The following ARID5B variants were observed in gnomAD, a reference collection of about 807,000 sequenced individuals.
The protein encoded by ARID5B is AT-rich interaction domain 5B.
In ARID5B, 13 loss-of-function variants were observed where a neutral mutation model predicts 97.2. The ratio of observed to expected loss-of-function variants is 0.13; its 90% CI spans 0.09 to 0.21. The LOEUF is 0.21. Ranked by LOEUF, ARID5B falls within the 10% of genes least tolerant of loss-of-function variation. ARID5B has a pLI of 1.00. For synonymous variants in ARID5B, 556 were observed against 570.3 expected, an observed-to-expected ratio of 0.97 and a Z score of 0.36; for missense variants, 1,210 against 1,465.3, an observed-to-expected ratio of 0.83 and a Z score of 2.84.
chr10:62,052,870 T>C (rs974995337), intron 5 of ARID5B, among the ~76,000 whole-genome samples: 2 of 152,240 alleles, frequency 1.3e-5, no homozygotes, highest in African/African-American at 2.4e-5. Context: ...ATGAATGTCA[T>C]GCTGCAGTCA....
At chr10:62,043,202 C>T (rs553664792) in intron 4 of ARID5B, among the ~76,000 whole-genome samples, 18 of 152,296 alleles carry the variant, frequency 1.2e-4, no homozygotes, top group Non-Finnish European at 2.1e-4. Flanking sequence ...ATTTCAATCT[C>T]TTTTCCTATT....
At chr10:61,916,442 A>T (rs1843906255) in intron 2 of ARID5B, among the ~76,000 whole-genome samples, 1 of 152,164 alleles carries the variant, frequency 6.6e-6, no homozygotes, top group Non-Finnish European at 1.5e-5. Context: ...TAAAATGCCA[A>T]CCCCTCATTT....
chr10:62,021,213 T>C (rs1220963711), intron 4 of ARID5B, among the ~76,000 whole-genome samples: 1 of 151,938 alleles, frequency 6.6e-6, no homozygotes, highest in Non-Finnish European at 1.5e-5. Flanking sequence ...TGCTGATACA[T>C]AGTTATCGAA....
Position 62,094,798 on chromosome 10 carries a change from A to C in ARID5B, c.*1768A>C, listed in dbSNP as rs1840440915. The C allele has an allele frequency of 8.6e-6, 2 of 231,906 alleles. No homozygotes were observed. Among genetic ancestry groups the C allele is most frequent in the Non-Finnish European group, 1.7e-5 (2 of 117,136 alleles). The allele number at this position is 231,906 out of a possible 1,614,324, so 14.4% of individuals were successfully genotyped here. A position where few individuals can be genotyped will look rare whatever the true frequency, so the allele number is the denominator to read the frequency against. ...GCCCCTCCCGCAACACTACCAGTAG[A>C]CTTTAGAACCATAGTTAACTAAGTC... On this transcript the variant is annotated 3_prime_UTR_variant, in exon 10 of 10. Coordinates refer to ENST00000279873, the MANE Select transcript of ARID5B (RefSeq NM_032199.3).
intron 3 of ARID5B, among the ~76,000 whole-genome samples, chr10:61,969,761 T>C (rs1183097487): frequency 6.6e-6 from 1 of 152,202 alleles, no homozygotes; most frequent in Non-Finnish European, 1.5e-5. Flanking sequence ...TCAGAATAAA[T>C]TGGCATTTTC....
At chr10:61,911,327 TG>T (rs1843800174) in intron 2 of ARID5B, among the ~76,000 whole-genome samples, 1 of 152,234 alleles carries the variant, frequency 6.6e-6, no homozygotes, top group Non-Finnish European at 1.5e-5. Flanking sequence ...CTTTTTGTGC[TG>T]CTTGTCCCTT....
intron 4 of ARID5B, among the ~76,000 whole-genome samples, chr10:62,031,338 G>A (rs1427228738): frequency 6.6e-6 from 1 of 152,184 alleles, no homozygotes; most frequent in African/African-American, 2.4e-5. Flanking sequence ...CTACAAGAAG[G>A]ACCTCTTAAG....
chr10:62,034,843 T>A (rs1455757446), intron 4 of ARID5B, among the ~76,000 whole-genome samples: 1 of 152,242 alleles, frequency 6.6e-6, no homozygotes, highest in Admixed American at 6.5e-5. Context: ...CACATTTTTT[T>A]AGGCAGCTCT....
In ARID5B at chr10:62,093,320, C is replaced by T. The variant is rs1840414702; in HGVS notation, c.*290C>T. 2 of 331,522 alleles carry T rather than the reference C, an allele frequency of 6.0e-6. No individual in the cohort carries two copies. The highest frequency in any genetic ancestry group is 4.6e-5 in the Admixed American group (1 of 21,802). 20.5% of individuals were successfully genotyped at this position (331,522 alleles called of 1,614,324 possible). On this transcript the variant is annotated 3_prime_UTR_variant, in exon 10 of 10. Transcript: ENST00000279873. ...CCTTGTGAAGGGATTTGTGAATATCCAGGAAGAACTTAGAGGACCCCATCT... is the reference window on the plus strand; with the variant it reads ...CCTTGTGAAGGGATTTGTGAATATCTAGGAAGAACTTAGAGGACCCCATCT...
chr10:61,943,280 T>A (rs1481649936), intron 3 of ARID5B, among the ~76,000 whole-genome samples: 1 of 152,196 alleles, frequency 6.6e-6, no homozygotes, highest in African/African-American at 2.4e-5. Context: ...TCAAAATATT[T>A]GTTGTCTGTA....
At chr10:62,007,511 G>C (rs1046113987) in intron 4 of ARID5B, among the ~76,000 whole-genome samples, 1 of 152,180 alleles carries the variant, frequency 6.6e-6, no homozygotes, top group African/African-American at 2.4e-5. Context: ...CTGTGGACCT[G>C]ACCTCACAGG....
chr10:62,067,354 G>A (rs558294869), intron 7 of ARID5B, among the ~76,000 whole-genome samples: 64 of 152,308 alleles, frequency 4.2e-4, no homozygotes, highest in Non-Finnish European at 8.7e-4. Context: ...AAGTGCTGGG[G>A]TTATAGGCGT....
At chr10:62,067,192 C>T (rs548712896) in intron 7 of ARID5B, among the ~76,000 whole-genome samples, 1 of 152,190 alleles carries the variant, frequency 6.6e-6, no homozygotes, top group South Asian at 2.1e-4. Context: ...TCAAGCAATT[C>T]TCCTGCCTCA....
intron 3 of ARID5B, among the ~76,000 whole-genome samples, chr10:61,961,226 A>G (rs189805100): frequency 6.6e-6 from 1 of 152,364 alleles, no homozygotes; most frequent in Non-Finnish European, 1.5e-5. Flanking sequence ...GAAATTTTAT[A>G]TCATCACTGT....
intron 3 of ARID5B, among the ~76,000 whole-genome samples, chr10:61,966,315 T>A (rs1322012519): frequency 1.3e-5 from 2 of 152,128 alleles, no homozygotes; most frequent in Non-Finnish European, 2.9e-5. Context: ...GTTTTAAAAT[T>A]AGTTTTTAAA....
chr10:62,070,752 G>C (rs996774661), intron 8 of ARID5B, among the ~76,000 whole-genome samples: 6 of 152,062 alleles, frequency 3.9e-5, no homozygotes, highest in Non-Finnish European at 8.8e-5. Context: ...TACTTGGCAG[G>C]GTTGTAATTC....
chr10:61,957,368 A>C (rs1230888241), intron 3 of ARID5B, among the ~76,000 whole-genome samples: 2 of 152,230 alleles, frequency 1.3e-5, no homozygotes, highest in Non-Finnish European at 2.9e-5. Flanking sequence ...TCCCAGGTTC[A>C]AACAATTCTC....
intron 3 of ARID5B, among the ~76,000 whole-genome samples, chr10:61,940,966 T>TATATATATA (rs397958155): frequency 1.6e-4 from 1 of 6,154 alleles, no homozygotes; most frequent in Non-Finnish European, 3.3e-4. Context: ...TATATATATA[T>TATATATATA]TTTTTTTTTT....
At chr10:62,067,989 T>C (rs1467940647) in intron 7 of ARID5B, among the ~76,000 whole-genome samples, 1 of 152,218 alleles carries the variant, frequency 6.6e-6, no homozygotes, top group Non-Finnish European at 1.5e-5. Context: ...CCCACAGGTC[T>C]CATCTGAGTG....
Sources: allele counts gnomAD v4.1 joint callset (sites outside exome capture counted in the v4.1 genomes callset), GRCh38; gene constraint gnomAD v4.1.1; transcripts MANE v1.5; gene names NCBI Gene and HGNC (gene_info 2026-07-23, HGNC 2026-07-21).